The following DIAPH2 variants were observed in gnomAD, a reference collection of about 807,000 sequenced individuals.
DIAPH2 encodes diaphanous related formin 2, also known as protein diaphanous homolog 2.
Under a neutral mutation model 92.7 loss-of-function variants are expected in DIAPH2, and 35 were observed. The observed-to-expected ratio is 0.38, with a 90% CI of 0.29 to 0.50. The LOEUF is 0.50. Ranked by LOEUF, DIAPH2 falls within the 20% of genes least tolerant of loss-of-function variation. The pLI, the probability that DIAPH2 is intolerant of heterozygous loss-of-function variation, is 0.94. For missense variants in DIAPH2, 701 were observed against 819.5 expected (o/e 0.86, Z 1.77); for synonymous variants, 301 against 280.4 (o/e 1.07, Z -0.73).
rs1465684097 is a variant in DIAPH2, at chrX:96,958,111, A to C, written c.1898A>C (p.Lys633Thr). The C allele has an allele frequency of 2.5e-6, 3 of 1,208,174 alleles. No individual in the cohort carries two copies. Among genetic ancestry groups the C allele is most frequent in the Non-Finnish European group, 3.4e-6 (3 of 894,371 alleles). Residue 633 changes from lysine to threonine, a missense_variant, in exon 16 of 27, where the codon AAA (lysine) becomes ACA (threonine). Physicochemically the swap from Lys to Thr is moderately conservative, Grantham distance 78. This residue lies in a region of DIAPH2 where 536 missense variants were observed against 599.3 expected (regional missense o/e 0.89). Transcript: ENST00000324765. ...GGAATGAAGCAGAAAAAAATGTATAAACCTGAAGTGTCCATGAAGAGAATC... is the reference window on the plus strand; with the variant it reads ...GGAATGAAGCAGAAAAAAATGTATACACCTGAAGTGTCCATGAAGAGAATC... ...PYGMKQKKMYKPEVSMKRINW... is the reference protein window; with the variant it reads ...PYGMKQKKMYTPEVSMKRINW...
chrX:97,484,203 C>G lies in DIAPH2; in HGVS notation c.3241+54458C>G, dbSNP rs1006039039. Among the ~76,000 whole-genome samples the G allele has an allele frequency of 1.5e-4, 17 of 111,612 alleles. No homozygotes were observed. In the Admixed American group the frequency reaches 1.5e-3, roughly 10 times the overall value. On this transcript the variant is annotated intron_variant, in intron 26 of 26. Transcript: ENST00000324765. ...AGTGCCCAGATCATTTTTCTACATA[C>G]TACTGAAGTTTGAATACCAGAGACA...
intron 3 of DIAPH2, among the ~76,000 whole-genome samples, chrX:96,755,890 G>T (rs1314121552): frequency 1.3e-4 from 14 of 105,571 alleles, no homozygotes; most frequent in African/African-American, 4.5e-4. Context: ...TGGAGACAGG[G>T]TCTTGCTCAG....
chrX:97,023,456 T>A (rs766791835), intron 17 of DIAPH2, among the ~76,000 whole-genome samples: 5 of 111,523 alleles, frequency 4.5e-5, no homozygotes, highest in Non-Finnish European at 9.4e-5. Context: ...AGTAACCCAA[T>A]GAAAACTAAT....
intron 26 of DIAPH2, among the ~76,000 whole-genome samples, chrX:97,471,101 C>A (rs1326008499): frequency 9.0e-6 from 1 of 111,357 alleles, no homozygotes; most frequent in Non-Finnish European, 1.9e-5. Context: ...CACCAAGGAC[C>A]CTGGCTTTTG....
At chrX:97,193,000 T>C in intron 22 of DIAPH2, among the ~76,000 whole-genome samples, 1 of 102,968 alleles carries the variant, frequency 9.7e-6, no homozygotes, top group East Asian at 2.9e-4. Flanking sequence ...TCTTTCTTTT[T>C]CTTTTTCTTT....
chrX:97,557,548 C>G (rs2071266215), intron 26 of DIAPH2, among the ~76,000 whole-genome samples: 1 of 111,863 alleles, frequency 8.9e-6, no homozygotes, highest in South Asian at 3.8e-4. Flanking sequence ...GGCTTTATAA[C>G]ATAGAATGTC....
chrX:97,362,189 C>T (rs1184839108), intron 24 of DIAPH2, among the ~76,000 whole-genome samples: 2 of 108,254 alleles, frequency 1.8e-5, no homozygotes, highest in Admixed American at 1.0e-4. Flanking sequence ...TGCAGTGAGC[C>T]GAGATGGTAC....
intron 23 of DIAPH2, among the ~76,000 whole-genome samples, chrX:97,263,894 T>C (rs1386214728): frequency 2.1e-5 from 2 of 97,523 alleles, no homozygotes; most frequent in Non-Finnish European, 4.1e-5. Context: ...GCTCCAACTG[T>C]TAGTTTTTTA....
chrX:97,334,960 G>C (rs1009889341), intron 23 of DIAPH2, among the ~76,000 whole-genome samples: 1 of 80,058 alleles, frequency 1.2e-5, no homozygotes, highest in Admixed American at 2.0e-4. Flanking sequence ...CAGCCGAGGC[G>C]ACAGTGCAAG....
chrX:97,315,032 A>C (rs1325525839), intron 23 of DIAPH2, among the ~76,000 whole-genome samples: 1 of 112,216 alleles, frequency 8.9e-6, no homozygotes, highest in Non-Finnish European at 1.9e-5. Flanking sequence ...TTATGGAAAC[A>C]TACCTTTAAT....
At chrX:97,005,489 T>C (rs908837913) in intron 17 of DIAPH2, among the ~76,000 whole-genome samples, 2 of 111,475 alleles carry the variant, frequency 1.8e-5, no homozygotes, top group Non-Finnish European at 3.8e-5. Context: ...TCTGTTCAGG[T>C]TTTGGATTTC....
chrX:97,256,428 T>C (rs2068236989), intron 23 of DIAPH2, among the ~76,000 whole-genome samples: 1 of 112,511 alleles, frequency 8.9e-6, no homozygotes, highest in South Asian at 3.7e-4. Context: ...ATACATAGTT[T>C]ACAGGTAATA....
chrX:96,864,418 G>A (rs984834569), intron 4 of DIAPH2, among the ~76,000 whole-genome samples: 2 of 110,056 alleles, frequency 1.8e-5, no homozygotes, highest in Admixed American at 9.7e-5. Context: ...TTTCTTTAAC[G>A]GTATTGTAGT....
intron 17 of DIAPH2, among the ~76,000 whole-genome samples, chrX:96,980,960 A>C (rs1205328134): frequency 9.8e-6 from 1 of 101,715 alleles, no homozygotes; most frequent in Non-Finnish European, 2.0e-5. Flanking sequence ...CATGAGTTCA[A>C]GACCAGCCTG....
At chrX:96,724,493 T>C (rs1027610430) in intron 1 of DIAPH2, among the ~76,000 whole-genome samples, 4 of 112,160 alleles carry the variant, frequency 3.6e-5, no homozygotes, top group African/African-American at 1.3e-4. Context: ...CTGAGTGTTA[T>C]TGGCAGATTT....
chrX:96,759,136 C>T (rs2064251799), intron 4 of DIAPH2, among the ~76,000 whole-genome samples: 1 of 110,675 alleles, frequency 9.0e-6, no homozygotes, highest in South Asian at 3.8e-4. Context: ...CACACACATA[C>T]ACTATTTAGG....
chrX:97,551,968 C>T (rs2071223003), intron 26 of DIAPH2, among the ~76,000 whole-genome samples: 1 of 111,747 alleles, frequency 8.9e-6, no homozygotes, highest in Admixed American at 9.5e-5. Context: ...GTGAAAGTAG[C>T]ACTGACTCAG....
intron 7 of DIAPH2, among the ~76,000 whole-genome samples, chrX:96,913,332 A>G (rs1199187699): frequency 1.8e-5 from 2 of 111,745 alleles, no homozygotes; most frequent in Non-Finnish European, 3.8e-5. Flanking sequence ...ATTTTATAGT[A>G]TACTAAATGT....
intron 8 of DIAPH2, 110 bp from the exon 9 acceptor site, chrX:96,918,399 A>G: frequency 2.1e-6 from 1 of 473,621 alleles, no homozygotes. Flanking sequence ...CTAATGGTAT[A>G]TATAAACATC....
Sources: allele counts gnomAD v4.1 joint callset (sites outside exome capture counted in the v4.1 genomes callset), GRCh38; gene constraint gnomAD v4.1.1; regional missense constraint gnomAD v4.1.1; transcripts MANE v1.5; gene names NCBI Gene and HGNC (gene_info 2026-07-23, HGNC 2026-07-21).